Variants in TRPM5 observed in about 807,000 individuals in gnomAD.
TRPM5 encodes MLSN1 and TRP-related.
Under a neutral mutation model 124.9 loss-of-function variants are expected in TRPM5, and 121 were observed. The observed-to-expected ratio is 0.97, with a 90% confidence interval of 0.84 to 1.13. TRPM5 has a LOEUF of 1.13. Among genes scored for constraint, TRPM5 ranks in the 50% most tolerant of loss-of-function variants. The pLI is 0.00. For missense variants in TRPM5, 1,643 were observed against 1,589.1 expected, an observed-to-expected ratio of 1.03 and a Z score of -0.58; for synonymous variants, 781 against 700.5, an observed-to-expected ratio of 1.11 and a Z score of -1.81.
At chr11:2,417,180 G>A (rs547101045) in intron 7 of TRPM5, among the ~76,000 whole-genome samples, 2 of 152,284 alleles carry the variant, frequency 1.3e-5, no homozygotes, top group South Asian at 4.1e-4. Flanking sequence ...TGGCTAGTGC[G>A]GTGGCTCACG....
At chr11:2,415,341 C>T (rs754406459) in exon 9 of TRPM5, 19 of 1,585,220 alleles carry the variant, frequency 1.2e-5, no homozygotes, top group Admixed American at 1.7e-5. Context: ...TGACACGGAG[C>T]GGTAGAGCTC....
chr11:2,433,377 C>A, the TRPM5 span, among the ~76,000 whole-genome samples: 1 of 152,250 alleles, frequency 6.6e-6, no homozygotes, highest in Non-Finnish European at 1.5e-5. Context: ...TCTTAGTGTG[C>A]GCAAGGGCTG....
At chr11:2,435,698 TATCC>T in the TRPM5 span, among the ~76,000 whole-genome samples, 11 of 151,042 alleles carry the variant, frequency 7.3e-5, no homozygotes, top group Admixed American at 4.0e-4. This position sits in a 1 kb window ranked among gnomAD's most constrained non-coding sequence, Gnocchi z 4.1. Flanking sequence ...TCTGTCCATC[TATCC>T]ATCCATCCAT....
At chr11:2,405,994 G>A in intron 22 of TRPM5, 25 bp downstream of exon 27, 1 of 1,603,194 alleles carries the variant, frequency 6.2e-7, no homozygotes, top group African/African-American at 1.3e-5. Flanking sequence ...TCCCATCAGG[G>A]AGAGGAGCTC....
At chr11:2,410,093 G>A (rs535399593) in intron 18 of TRPM5, among the ~76,000 whole-genome samples, 184 of 152,342 alleles carry the variant, frequency 1.2e-3, no homozygotes, top group African/African-American at 1.3e-3. Flanking sequence ...TGGTGAGGGC[G>A]AGGTGGGGTC....
chr11:2,414,009 G>GGGGCGCCCCCCCCC, intron 12 of TRPM5, 52 bp downstream of exon 17: 4 of 1,023,730 alleles, frequency 3.9e-6, no homozygotes, highest in East Asian at 2.8e-5. Flanking sequence ...GGCCCAGCTC[G>GGGGCGCCCCCCCCC]CCCGCCCACC....
exon 9 of TRPM5, chr11:2,415,421 G>A (rs1442703358): frequency 7.5e-6 from 12 of 1,593,252 alleles, no homozygotes; most frequent in South Asian, 3.3e-5. Context: ...GCACAAACTC[G>A]GGCTTGTTGC....
the TRPM5 span, among the ~76,000 whole-genome samples, chr11:2,435,025 A>T: frequency 1.3e-5 from 2 of 152,090 alleles, no homozygotes; most frequent in African/African-American, 4.8e-5. This position sits in a 1 kb window ranked among gnomAD's most constrained non-coding sequence, Gnocchi z 4.1. Flanking sequence ...GGCCTCAAAC[A>T]CTTGGACTTG....
At chr11:2,420,537 G>A (rs1291732925) in intron 3 of TRPM5, 132 bp from the exon 9 acceptor site, 12 of 911,110 alleles carry the variant, frequency 1.3e-5, no homozygotes, top group Non-Finnish European at 1.3e-5. Context: ...CCGAGCCTTG[G>A]TTTCCCCACC....
chr11:2,420,300 G>C (rs1020121704), exon 4 of TRPM5: 1 of 1,612,644 alleles, frequency 6.2e-7, no homozygotes, highest in South Asian at 1.1e-5. Flanking sequence ...CCCTTCCCCG[G>C]GGGGCCTGGC....
chr11:2,417,556 C>T (rs548426123), intron 7 of TRPM5, among the ~76,000 whole-genome samples, 171 bp downstream of exon 12: 4 of 152,340 alleles, frequency 2.6e-5, no homozygotes, highest in South Asian at 4.1e-4. Flanking sequence ...GTAAAAAACA[C>T]GTCATAAAAC....
At chr11:2,417,875 G>A (rs375598071) in intron 6 of TRPM5, 46 bp from the exon 12 acceptor site, 87 of 1,508,896 alleles carry the variant, frequency 5.8e-5, no homozygotes, top group Non-Finnish European at 7.5e-5. Context: ...CAGCCAGGAC[G>A]GGGGCAGAGG....
At chr11:2,438,577 G>C in the TRPM5 span, among the ~76,000 whole-genome samples, 2 of 152,266 alleles carry the variant, frequency 1.3e-5, no homozygotes, top group Non-Finnish European at 2.9e-5. The surrounding 1 kb of genome is among the most constrained non-coding windows in gnomAD (Gnocchi z 5.9). Flanking sequence ...TAAGGTGGGA[G>C]GATCACCTAA....
the TRPM5 span, among the ~76,000 whole-genome samples, chr11:2,433,208 C>T: frequency 1.3e-5 from 2 of 152,262 alleles, no homozygotes; most frequent in Non-Finnish European, 2.9e-5. Context: ...GGCCAAATGA[C>T]CTGCCCATAG....
intron 18 of TRPM5, 131 bp from the exon 24 acceptor site, chr11:2,408,043 C>T: frequency 8.2e-7 from 1 of 1,223,428 alleles, no homozygotes; most frequent in Non-Finnish European, 1.1e-6. Context: ...GGGTGACCCA[C>T]TGTCCCAGTT....
exon 24 of TRPM5, chr11:2,404,976 C>G: frequency 6.2e-7 from 1 of 1,612,758 alleles, no homozygotes; most frequent in South Asian, 1.1e-5. Flanking sequence ...CGGGTTGTTC[C>G]CAGCCATCTA....
intron 16 of TRPM5, 117 bp from the exon 22 acceptor site, chr11:2,411,884 C>G: frequency 7.8e-7 from 1 of 1,281,306 alleles, no homozygotes; most frequent in East Asian, 2.4e-5. Context: ...CTCCTTGGGC[C>G]CTGAGTGGCT....
intron 8 of TRPM5, 46 bp downstream of exon 13, chr11:2,415,860 G>A (rs368152242): frequency 2.9e-5 from 40 of 1,389,508 alleles, no homozygotes; most frequent in African/African-American, 1.4e-4. Flanking sequence ...TGGGCAGCTC[G>A]GGCAGTGCCA....
chr11:2,407,389 GC>G (rs1850346161), intron 19 of TRPM5, 89 bp from the exon 25 acceptor site: 10 of 1,340,026 alleles, frequency 7.5e-6, no homozygotes, highest in African/African-American at 3.0e-5. Flanking sequence ...CTGTTGGGGA[GC>G]CCTTTTTGAA....
Sources: allele counts gnomAD v4.1 joint callset (sites outside exome capture counted in the v4.1 genomes callset), GRCh38; gene constraint gnomAD v4.1.1; non-coding constraint Gnocchi (gnomAD v3.1); transcripts MANE v1.5; gene names NCBI Gene and HGNC (gene_info 2026-07-23, HGNC 2026-07-21).